NPHP4: variants seen among roughly 807,000 people sequenced by gnomAD.
The protein encoded by NPHP4 is nephrocystin-4.
NPHP4 carries 151 observed loss-of-function variants against 155.8 expected under a neutral mutation model. The observed-to-expected ratio is 0.97, with a 90% CI of 0.85 to 1.11. NPHP4 has a LOEUF of 1.11. Among genes scored for constraint, NPHP4 ranks in the 50% least tolerant of loss-of-function variants. The pLI, the probability that NPHP4 is intolerant of heterozygous loss-of-function variation, is 0.00. For missense variants in NPHP4, 1,956 were observed against 1,925.7 expected, an observed-to-expected ratio of 1.02 and a Z score of -0.29; for synonymous variants, 845 against 816.8, an observed-to-expected ratio of 1.03 and a Z score of -0.59.
intron 18 of NPHP4, chr1:5,886,394 C>T (rs1317061022): frequency 6.6e-6 from 1 of 152,226 alleles, no homozygotes; most frequent in Non-Finnish European, 1.5e-5. Context: ...TGGATGTGGC[C>T]CATGGGGCTC....
chr1:5,925,759 G>A (rs542053643), intron 11 of NPHP4, among the ~76,000 whole-genome samples: 1 of 152,116 alleles, frequency 6.6e-6, no homozygotes, highest in Non-Finnish European at 1.5e-5. Flanking sequence ...GGGACTACAG[G>A]CGCCCGCCAC....
Position 5,909,146 on chromosome 1 carries a change from A to T in NPHP4, c.1503+6T>A. The T allele has an allele frequency of 6.3e-7, 1 of 1,593,388 alleles. No individual in the cohort carries two copies. Among genetic ancestry groups the T allele is most frequent in the South Asian group, 1.1e-5 (1 of 87,396 alleles). On this transcript the variant is annotated splice_donor_region_variant and intron_variant, in intron 12 of 29. Transcript: ENST00000378156. ...CTGAAGGAGGCCGTGGGGGGCCTGG[A>T]CTTACCCCTGGTCCCACAGGTGAGT...
chr1:5,918,005 C>T (rs1383098222), intron 11 of NPHP4, among the ~76,000 whole-genome samples: 1 of 152,182 alleles, frequency 6.6e-6, no homozygotes, highest in Non-Finnish European at 1.5e-5. Flanking sequence ...GCAATGCGCA[C>T]GCAGCGAGAG....
chr1:5,894,957 G>C (rs1644319671), intron 16 of NPHP4, among the ~76,000 whole-genome samples: 1 of 152,154 alleles, frequency 6.6e-6, no homozygotes, highest in Non-Finnish European at 1.5e-5. Context: ...TGATAGACTG[G>C]ATTAAGAAGA....
intron 10 of NPHP4, among the ~76,000 whole-genome samples, chr1:5,929,745 G>A (rs1394534021): frequency 1.3e-5 from 2 of 152,000 alleles, no homozygotes; most frequent in East Asian, 3.9e-4. Flanking sequence ...GAAGGATACG[G>A]GTCCACAGTT....
intron 7 of NPHP4, among the ~76,000 whole-genome samples, chr1:5,951,017 A>G (rs1647882415): frequency 6.6e-6 from 1 of 152,230 alleles, no homozygotes; most frequent in Admixed American, 6.5e-5. Context: ...ACAAAACAGA[A>G]GAAAAAAGTA....
At chr1:5,875,239 A>T in intron 20 of NPHP4, 139 bp from the exon 21 acceptor site, 2 of 729,936 alleles carry the variant, frequency 2.7e-6, no homozygotes, top group Admixed American at 4.1e-5. Context: ...CCCTTCCTTG[A>T]CCATGTGGTC....
chr1:5,951,471 C>T (rs888323189), intron 7 of NPHP4, among the ~76,000 whole-genome samples: 5 of 152,162 alleles, frequency 3.3e-5, no homozygotes, highest in African/African-American at 1.2e-4. Flanking sequence ...GTCTGAGGGC[C>T]CCTCCTTCCA....
intron 22 of NPHP4, chr1:5,873,785 C>A: frequency 3.5e-6 from 1 of 285,674 alleles, no homozygotes; most frequent in South Asian, 3.3e-5. Flanking sequence ...ACACCTCACA[C>A]ACCACCCCCT....
At position 5,986,074 on chromosome 1, in the gene NPHP4, AG is replaced by A. The variant is rs1655432950; in HGVS notation, c.135+80del. 4.0e-6 allele frequency: 6 copies of A among 1,496,468 alleles called. No homozygotes were observed. In the South Asian group the frequency reaches 6.9e-5, roughly 17 times the overall value. The allele number at this position is 1,496,468 out of a possible 1,614,324, so 92.7% of individuals were successfully genotyped here. A position where few individuals can be genotyped will look rare whatever the true frequency, so the allele number is the denominator to read the frequency against. ...ATCAAAAATCAAAGCATCGTAAGCC[AG>A]GGACCATCCATCTGTTAACTGGAAG... On this transcript the variant is annotated intron_variant, in intron 2 of 29. Transcript: ENST00000378156.
chr1:5,965,305 T>C (rs1466587859), intron 5 of NPHP4, among the ~76,000 whole-genome samples: 4 of 152,086 alleles, frequency 2.6e-5, no homozygotes, highest in Non-Finnish European at 4.4e-5. Flanking sequence ...AAAAGCCCAC[T>C]GCAAGGATGA....
chr1:5,925,384 G>A (rs1390497507), intron 11 of NPHP4, among the ~76,000 whole-genome samples: 1 of 152,160 alleles, frequency 6.6e-6, no homozygotes, highest in African/African-American at 2.4e-5. Context: ...TTATATAAGG[G>A]ACTTGAGCAT....
chr1:5,863,101 A>T lies in NPHP4; in HGVS notation c.*164T>A. On this transcript the variant is annotated 3_prime_UTR_variant, in exon 30 of 30. Coordinates refer to ENST00000378156, the MANE Select transcript of NPHP4 (RefSeq NM_015102.5). The stretch of plus-strand genomic sequence containing the variant: ...GCTAAGCTGGATGCAGGTACTACAA[A>T]ATGACCAGCGCTCGGTCTCTGCTTC... 1 of 702,760 alleles carries T rather than the reference A, an allele frequency of 1.4e-6. No individual in the cohort carries two copies. Among genetic ancestry groups the T allele is most frequent in the Admixed American group, 2.3e-5 (1 of 43,480 alleles). The allele number at this position is 702,760 out of a possible 1,614,324, so 43.5% of individuals were successfully genotyped here. A position where few individuals can be genotyped will look rare whatever the true frequency, so the allele number is the denominator to read the frequency against.
chr1:5,875,181 C>G, intron 20 of NPHP4, 81 bp from the exon 21 acceptor site: 1 of 1,045,246 alleles, frequency 9.6e-7, no homozygotes, highest in Non-Finnish European at 1.4e-6. Flanking sequence ...GCCCACCACC[C>G]GCGATCTCAG....
chr1:5,983,596 G>C (rs1460828393), intron 2 of NPHP4, among the ~76,000 whole-genome samples: 1 of 152,126 alleles, frequency 6.6e-6, no homozygotes, highest in Non-Finnish European at 1.5e-5. Flanking sequence ...TCCTCCCTTT[G>C]CTGATCTTGC....
In NPHP4 at chr1:5,935,262, C is replaced by G. The variant is rs180778792; in HGVS notation, c.1120-1933G>C. 4.7e-3 allele frequency among the ~76,000 whole-genome samples: 718 copies of G among 152,358 alleles called. 8 individuals are homozygous for G. The highest frequency in any genetic ancestry group is 0.016 in the African/African-American group (651 of 41,586). ...CAATCGGACTTCAAACCATCCACTT[C>G]TGCAGAGCCCTTTGCTGCAGCTAAA... On this transcript the variant is annotated intron_variant, in intron 9 of 29. Transcript: ENST00000378156.
chr1:5,872,745 T>A (rs374278436), intron 23 of NPHP4, among the ~76,000 whole-genome samples: 2 of 152,170 alleles, frequency 1.3e-5, no homozygotes, highest in African/African-American at 2.4e-5. Context: ...TTCTACCGAA[T>A]AAAAAACAAC....
chr1:5,978,329 T>A lies in NPHP4; in HGVS notation c.220A>T (p.Thr74Ser). 1 of 1,609,916 alleles carries A rather than the reference T, an allele frequency of 6.2e-7. No individual in the cohort carries two copies. The highest frequency in any genetic ancestry group is 1.1e-5 in the South Asian group (1 of 90,402). Residue 74 changes from threonine (T) to serine (S), a missense_variant, in exon 3 of 30, where the codon ACG becomes TCG. Coordinates refer to ENST00000378156, the MANE Select transcript of NPHP4 (RefSeq NM_015102.5). Reference sequence around the variant, plus strand: ...GTCGGCTTCACTGTGGTTTTCCACGTCCTCCCAAAGAAGTGCCGGTAGGTG... The same window carrying A: ...GTCGGCTTCACTGTGGTTTTCCACGACCTCCCAAAGAAGTGCCGGTAGGTG... ...DVTYRHFFGR[T>S]WKTTVKPTKR...
At chr1:5,938,768 T>C (rs1040581519) in intron 9 of NPHP4, among the ~76,000 whole-genome samples, 2 of 152,198 alleles carry the variant, frequency 1.3e-5, no homozygotes, top group Non-Finnish European at 2.9e-5. Flanking sequence ...GAAAATAAAA[T>C]GTAAAAACTG....
Sources: gnomAD v4.1 joint callset for allele counts (sites outside exome capture counted in the v4.1 genomes callset) on GRCh38, gnomAD v4.1.1 for gene constraint, MANE v1.5 for transcripts, NCBI Gene and HGNC (gene_info 2026-07-23, HGNC 2026-07-21) for gene names.